The following GALNT13 variants were observed in gnomAD, a reference collection of about 807,000 sequenced individuals.
The protein encoded by GALNT13 is UDP-GalNAc:polypeptide N-acetylgalactosaminyltransferase 13.
A neutral mutation model predicts 64.2 loss-of-function variants in GALNT13; 28 were observed. That is an observed-to-expected ratio of 0.44 (90% CI 0.32 to 0.60). The LOEUF is 0.60. GALNT13 is among the 20% of genes least tolerant of loss of function. The pLI is 0.05. For synonymous variants in GALNT13, 214 were observed against 224.6 expected (o/e 0.95, Z 0.42); for missense variants, 577 against 669.8 (o/e 0.86, Z 1.53).
the GALNT13 span, among the ~76,000 whole-genome samples, chr2:153,079,945 T>C: frequency 4.6e-5 from 7 of 152,322 alleles, no homozygotes; most frequent in East Asian, 1.4e-3. Context: ...TATCAAAGCA[T>C]CAGAATATAG....
At chr2:153,535,179 C>T in the GALNT13 span, among the ~76,000 whole-genome samples, 2 of 151,624 alleles carry the variant, frequency 1.3e-5, no homozygotes, top group South Asian at 2.1e-4. Flanking sequence ...AAACATTTGC[C>T]GTATAGAATG....
intron 9 of GALNT13, among the ~76,000 whole-genome samples, chr2:154,322,639 T>C (rs1036794996): frequency 6.6e-6 from 1 of 152,150 alleles, no homozygotes; most frequent in Non-Finnish European, 1.5e-5. Context: ...CCTGACTCTG[T>C]CTTCAAAACT....
At chr2:153,861,642 T>C in the GALNT13 span, among the ~76,000 whole-genome samples, 122,777 of 148,400 alleles carry the variant, frequency 0.83, 51,754 homozygotes, top group Non-Finnish European at 0.9. Flanking sequence ...TCCTGGCTCA[T>C]CGCAACCTCT....
chr2:153,673,898 A>G, the GALNT13 span, among the ~76,000 whole-genome samples: 5 of 152,306 alleles, frequency 3.3e-5, no homozygotes, highest in Admixed American at 6.5e-5. Context: ...AAGCATTCCT[A>G]TACACCAGTA....
the GALNT13 span, among the ~76,000 whole-genome samples, chr2:153,834,154 A>G: frequency 6.6e-6 from 1 of 151,978 alleles, no homozygotes; most frequent in African/African-American, 2.4e-5. Flanking sequence ...AGGCGGGTAT[A>G]TTTTCTGTTG....
At chr2:154,011,751 G>A (rs1043440841) in intron 3 of GALNT13, among the ~76,000 whole-genome samples, 9 of 152,128 alleles carry the variant, frequency 5.9e-5, no homozygotes, top group African/African-American at 2.2e-4. Flanking sequence ...GTATACTCCT[G>A]TGTTGGGTGC....
At chr2:153,503,961 G>C in the GALNT13 span, among the ~76,000 whole-genome samples, 1 of 152,026 alleles carries the variant, frequency 6.6e-6, no homozygotes, top group Non-Finnish European at 1.5e-5. Context: ...TGAATTTGTA[G>C]ATTGCTTTTG....
At chr2:154,299,442 A>C (rs1015198235) in intron 8 of GALNT13, among the ~76,000 whole-genome samples, 7 of 151,188 alleles carry the variant, frequency 4.6e-5, no homozygotes, top group Admixed American at 4.0e-4. Context: ...GGAAGTTATC[A>C]ATCAATGAAA....
intron 4 of GALNT13, among the ~76,000 whole-genome samples, chr2:154,142,846 A>G (rs996033163): frequency 4.6e-5 from 7 of 151,898 alleles, no homozygotes; most frequent in Admixed American, 3.9e-4. Context: ...GTGTATATAT[A>G]TATATATATT....
intron 3 of GALNT13, among the ~76,000 whole-genome samples, chr2:154,013,967 C>A (rs1284259955): frequency 6.6e-6 from 1 of 152,144 alleles, no homozygotes; most frequent in African/African-American, 2.4e-5. Flanking sequence ...ATGAAGGCAT[C>A]AGGGAAGCAC....
chr2:153,406,683 C>T, the GALNT13 span, among the ~76,000 whole-genome samples: 4 of 152,152 alleles, frequency 2.6e-5, no homozygotes, highest in African/African-American at 9.7e-5. Context: ...CCTGGGATTA[C>T]AGGAATGAGC....
intron 3 of GALNT13, among the ~76,000 whole-genome samples, chr2:154,067,897 G>A (rs1374088391): frequency 6.6e-6 from 1 of 151,128 alleles, no homozygotes; most frequent in African/African-American, 2.4e-5. Context: ...CTTCTGCACA[G>A]CAAAGAAGAT....
intron 2 of GALNT13, among the ~76,000 whole-genome samples, chr2:153,909,470 A>G (rs951168274): frequency 2.0e-5 from 3 of 151,858 alleles, no homozygotes; most frequent in Admixed American, 6.6e-5. Context: ...TTTCAATACT[A>G]TGTTTAATAG....
At chr2:153,084,982 C>G in the GALNT13 span, among the ~76,000 whole-genome samples, 1 of 152,156 alleles carries the variant, frequency 6.6e-6, no homozygotes, top group Non-Finnish European at 1.5e-5. Context: ...ACTTGAATGG[C>G]TTTGACCAAA....
chr2:153,124,613 C>T, the GALNT13 span, among the ~76,000 whole-genome samples: 3 of 152,160 alleles, frequency 2.0e-5, no homozygotes, highest in African/African-American at 7.2e-5. Context: ...TCAAGCGATT[C>T]GCCTGCCTCA....
chr2:153,742,457 G>C, the GALNT13 span, among the ~76,000 whole-genome samples: 1 of 152,032 alleles, frequency 6.6e-6, no homozygotes, highest in Non-Finnish European at 1.5e-5. Context: ...ATGCAGGCTT[G>C]TTACATGTAT....
At chr2:153,893,674 TATAA>T (rs1369233801) in intron 1 of GALNT13, among the ~76,000 whole-genome samples, 1 of 152,080 alleles carries the variant, frequency 6.6e-6, no homozygotes, top group Admixed American at 6.6e-5. Flanking sequence ...GATTTTGGAA[TATAA>T]ATAAATATTA....
At chr2:154,297,974 A>G (rs907016524) in intron 8 of GALNT13, among the ~76,000 whole-genome samples, 3 of 152,116 alleles carry the variant, frequency 2.0e-5, no homozygotes, top group African/African-American at 7.2e-5. Context: ...TCTGGGACAT[A>G]CAAGAGGAGG....
chr2:153,793,827 C>T, the GALNT13 span, among the ~76,000 whole-genome samples: 2 of 151,996 alleles, frequency 1.3e-5, no homozygotes, highest in Non-Finnish European at 2.9e-5. Context: ...CTCTATAATA[C>T]CTATAATAAT....
Sources: allele counts gnomAD v4.1 joint callset (sites outside exome capture counted in the v4.1 genomes callset), GRCh38; gene constraint gnomAD v4.1.1; transcripts MANE v1.5; gene names NCBI Gene and HGNC (gene_info 2026-07-23, HGNC 2026-07-21).